The following FNDC3B variants were observed in gnomAD, a reference collection of about 807,000 sequenced individuals.
The protein encoded by FNDC3B is fibronectin type III domain containing 3B.
Under a neutral mutation model 151.5 loss-of-function variants are expected in FNDC3B, and 12 were observed. The ratio of observed to expected loss-of-function variants is 0.08; its 90% CI spans 0.05 to 0.13. FNDC3B has a LOEUF of 0.13. Among genes scored for constraint, FNDC3B ranks in the 10% least tolerant of loss-of-function variants. FNDC3B has a pLI of 1.00. For synonymous variants in FNDC3B, 528 were observed against 549.0 expected, an observed-to-expected ratio of 0.96 and a Z score of 0.54; for missense variants, 1,214 against 1,505.3, an observed-to-expected ratio of 0.81 and a Z score of 3.20.
intron 7 of FNDC3B, among the ~76,000 whole-genome samples, chr3:172,287,203 C>T (rs916146338): frequency 6.6e-6 from 1 of 152,162 alleles, no homozygotes; most frequent in Non-Finnish European, 1.5e-5. Context: ...ATATATTGTA[C>T]TGCATCTACT....
chr3:172,361,225 C>G (rs535467162), intron 22 of FNDC3B, among the ~76,000 whole-genome samples: 1 of 152,364 alleles, frequency 6.6e-6, no homozygotes, highest in Admixed American at 6.5e-5. Context: ...GGTTGCTCTA[C>G]AGACTGCATT....
intron 3 of FNDC3B, among the ~76,000 whole-genome samples, chr3:172,213,916 G>A (rs1194956423): frequency 2.0e-5 from 3 of 152,154 alleles, no homozygotes; most frequent in African/African-American, 4.8e-5. Context: ...GTAGATGAAG[G>A]GTTGGTTTTT....
chr3:172,085,525 TAATTTTTA>T (rs1323042185), intron 1 of FNDC3B, among the ~76,000 whole-genome samples: 2 of 152,224 alleles, frequency 1.3e-5, no homozygotes, highest in Non-Finnish European at 2.9e-5. Context: ...TTACATTCTT[TAATTTTTA>T]AATATGAAGA....
At chr3:172,180,932 T>A (rs1723857677) in intron 3 of FNDC3B, among the ~76,000 whole-genome samples, 1 of 151,912 alleles carries the variant, frequency 6.6e-6, no homozygotes, top group Non-Finnish European at 1.5e-5. Context: ...ATTGTTTAGG[T>A]TGGGGCAAAA....
chr3:172,302,693 C>T (rs1203926488), intron 9 of FNDC3B: 1 of 152,136 alleles, frequency 6.6e-6, no homozygotes, highest in Admixed American at 6.5e-5. Flanking sequence ...ATTTGTTACC[C>T]TATTCTTAAC....
chr3:172,056,416 C>A (rs2108465417), intron 1 of FNDC3B, among the ~76,000 whole-genome samples: 1 of 152,236 alleles, frequency 6.6e-6, no homozygotes, highest in East Asian at 1.9e-4. Flanking sequence ...TATTCTTGAG[C>A]CCTTGTCTAT....
intron 2 of FNDC3B, among the ~76,000 whole-genome samples, chr3:172,116,393 A>G (rs1326432054): frequency 6.6e-6 from 1 of 152,224 alleles, no homozygotes. Flanking sequence ...CTCTAAAAAG[A>G]ACCCTAGAGG....
At chr3:172,285,600 G>T (rs1729969758) in intron 6 of FNDC3B, among the ~76,000 whole-genome samples, 1 of 152,134 alleles carries the variant, frequency 6.6e-6, no homozygotes, top group African/African-American at 2.4e-5. Context: ...CAGGTACATT[G>T]GTCCCTCCAC....
chr3:172,330,422 C>G, intron 12 of FNDC3B, 119 bp from the exon 13 acceptor site: 1 of 801,544 alleles, frequency 1.2e-6, no homozygotes, highest in Admixed American at 2.7e-5. Context: ...CCTTACCTGG[C>G]TTTGCTTACT....
intron 1 of FNDC3B, among the ~76,000 whole-genome samples, chr3:172,055,334 C>A (rs1716860118): frequency 6.6e-6 from 1 of 152,086 alleles, no homozygotes; most frequent in African/African-American, 2.4e-5. Flanking sequence ...TATTTTCTTG[C>A]TATGTGATTA....
intron 5 of FNDC3B, among the ~76,000 whole-genome samples, chr3:172,250,018 T>A (rs1465416847): frequency 6.6e-6 from 1 of 152,198 alleles, no homozygotes; most frequent in Non-Finnish European, 1.5e-5. Flanking sequence ...TGGATGGTAA[T>A]TTATATTGTC....
At chr3:172,073,109 AAC>A (rs1210232196) in intron 1 of FNDC3B, among the ~76,000 whole-genome samples, 3 of 152,180 alleles carry the variant, frequency 2.0e-5, no homozygotes, top group Admixed American at 1.3e-4. Context: ...TAGCAGTTAT[AAC>A]ACAGACATTT....
In FNDC3B at chr3:172,352,789, G is replaced by C. The variant is rs1487688416; in HGVS notation, c.2515-14G>C. ...GGTGTAATATGGCCTTTGTCTTGCT[G>C]TTCTGTTTTGTAGGCCTTCAATCAA... On this transcript the variant is annotated splice_polypyrimidine_tract_variant and intron_variant, in intron 21 of 25. Coordinates refer to ENST00000415807, the MANE Select transcript of FNDC3B (RefSeq NM_022763.4). The surrounding 1 kb of genome is among the most constrained non-coding windows in gnomAD (Gnocchi z 4.2). The C allele has an allele frequency of 6.2e-7, 1 of 1,610,924 alleles. No homozygotes were observed. Among genetic ancestry groups the C allele is most frequent in the Non-Finnish European group, 8.5e-7 (1 of 1,179,002 alleles).
chr3:172,073,432 T>G (rs966758382), intron 1 of FNDC3B, among the ~76,000 whole-genome samples: 3 of 152,210 alleles, frequency 2.0e-5, no homozygotes, highest in Non-Finnish European at 4.4e-5. Context: ...CACACTTCGT[T>G]CCTGGCTGCA....
intron 3 of FNDC3B, 90 bp from the exon 4 acceptor site, chr3:172,226,781 A>G: frequency 3.6e-6 from 3 of 834,628 alleles, no homozygotes; most frequent in Admixed American, 3.9e-5. Flanking sequence ...GTCATTAATT[A>G]TCTTCAGTTT....
chr3:172,266,639 C>T (rs1728937603), intron 6 of FNDC3B, among the ~76,000 whole-genome samples: 1 of 152,196 alleles, frequency 6.6e-6, no homozygotes, highest in South Asian at 2.1e-4. Context: ...CTCTTCCAGC[C>T]TCAGGTGGAT....
At chr3:172,363,116 T>C (rs973413424) in intron 23 of FNDC3B, among the ~76,000 whole-genome samples, 10 of 152,164 alleles carry the variant, frequency 6.6e-5, no homozygotes, top group Non-Finnish European at 1.0e-4. Context: ...AGAGAAAGTA[T>C]CTAAAGAAAA....
chr3:172,300,168 G>A (rs934935345), intron 9 of FNDC3B, among the ~76,000 whole-genome samples: 17 of 152,142 alleles, frequency 1.1e-4, no homozygotes, highest in African/African-American at 4.1e-4. Context: ...TGTGTAATTT[G>A]TGAAGCTAAG....
At chr3:172,098,070 C>T (rs1378063838) in intron 1 of FNDC3B, among the ~76,000 whole-genome samples, 1 of 151,578 alleles carries the variant, frequency 6.6e-6, no homozygotes, top group Non-Finnish European at 1.5e-5. Context: ...TTGCCCTTTG[C>T]CCAATATTAT....
Sources: allele counts gnomAD v4.1 joint callset (sites outside exome capture counted in the v4.1 genomes callset), GRCh38; gene constraint gnomAD v4.1.1; non-coding constraint Gnocchi (gnomAD v3.1); transcripts MANE v1.5; gene names NCBI Gene and HGNC (gene_info 2026-07-23, HGNC 2026-07-21).